LRBA: variants seen among roughly 807,000 people sequenced by gnomAD.
LRBA encodes the protein LPS responsive beige-like anchor protein, also known as lipopolysaccharide-responsive and beige-like anchor protein.
LRBA carries 176 observed loss-of-function variants against 330.0 expected under a neutral mutation model. That is an observed-to-expected ratio of 0.53 (90% CI 0.47 to 0.60). LRBA has a LOEUF of 0.60. Among genes scored for constraint, LRBA ranks in the 20% least tolerant of loss-of-function variants. The probability of loss-of-function intolerance (pLI) is 0.00; values close to 1 mark genes in which losing one functional copy is unlikely to be tolerated. For synonymous variants in LRBA, 1,230 were observed against 1,193.0 expected (o/e 1.03, Z -0.64); for missense variants, 3,259 against 3,444.8 (o/e 0.95, Z 1.35).
rs186279804 is a variant in LRBA at position 150,887,825 on chromosome 4, G to T, written c.2165+5227C>A. 5.3e-5 allele frequency among the ~76,000 whole-genome samples: 8 copies of T among 151,180 alleles called. No individual in the cohort carries two copies. In the East Asian group the frequency reaches 1.5e-3, roughly 29 times the overall value. ...AAGAACCTACAACTTCTCAAATTTG[G>T]TAGTAATCACAAAGAAAACCATAAT... On this transcript the variant is annotated intron_variant, in intron 17 of 56. Transcript: ENST00000651943.
At chr4:150,508,240 A>AGGGG (rs34288480) in intron 40 of LRBA, among the ~76,000 whole-genome samples, 4 of 64,990 alleles carry the variant, frequency 6.2e-5, no homozygotes, top group Admixed American at 5.1e-4. Context: ...TTAAAAAAAA[A>AGGGG]GGGGGGGGGG....
chr4:150,646,496 G>A (rs570657466), intron 37 of LRBA, among the ~76,000 whole-genome samples: 76 of 152,124 alleles, frequency 5.0e-4, no homozygotes, highest in Non-Finnish European at 9.4e-4. Flanking sequence ...TTTTTGAAAC[G>A]TTGGAAATGA....
intron 47 of LRBA, among the ~76,000 whole-genome samples, chr4:150,393,596 C>T (rs1266327294): frequency 4.6e-5 from 7 of 152,012 alleles, no homozygotes; most frequent in Admixed American, 4.6e-4. Context: ...GTGATCCTCC[C>T]ACCTCAGCCT....
At chr4:150,867,127 A>C (rs1324945744) in intron 22 of LRBA, among the ~76,000 whole-genome samples, 2 of 151,408 alleles carry the variant, frequency 1.3e-5, no homozygotes, top group African/African-American at 4.8e-5. Flanking sequence ...AAAAAAAAAA[A>C]AAAAAACTAC....
At chr4:150,730,242 A>C (rs180968709) in intron 36 of LRBA, among the ~76,000 whole-genome samples, 8 of 152,358 alleles carry the variant, frequency 5.3e-5, no homozygotes, top group Non-Finnish European at 1.5e-5. Context: ...TTGCAAAGCT[A>C]CCCATCTGAC....
At chr4:150,870,078 T>C (rs1753246719) in intron 20 of LRBA, among the ~76,000 whole-genome samples, 1 of 152,196 alleles carries the variant, frequency 6.6e-6, no homozygotes, top group Non-Finnish European at 1.5e-5. Context: ...TTTATACAAG[T>C]GCTTAAGAAT....
At chr4:150,390,905 T>C (rs1743820456) in intron 47 of LRBA, among the ~76,000 whole-genome samples, 1 of 152,192 alleles carries the variant, frequency 6.6e-6, no homozygotes, top group African/African-American at 2.4e-5. Context: ...AGTGTCCTCA[T>C]TTGTTATTAC....
At chr4:150,442,081 T>G (rs920900366) in intron 44 of LRBA, among the ~76,000 whole-genome samples, 1 of 152,162 alleles carries the variant, frequency 6.6e-6, no homozygotes, top group South Asian at 2.1e-4. Flanking sequence ...ACTATACTTA[T>G]AGTTATTGAA....
intron 35 of LRBA, among the ~76,000 whole-genome samples, chr4:150,755,963 T>C (rs754972096): frequency 6.6e-6 from 1 of 151,742 alleles, no homozygotes; most frequent in Non-Finnish European, 1.5e-5. Context: ...AGAGGATCAC[T>C]TGAGCCAGGG....
chr4:150,499,630 C>CTT (rs529579991), intron 40 of LRBA, among the ~76,000 whole-genome samples: 3 of 141,632 alleles, frequency 2.1e-5, no homozygotes, highest in Non-Finnish European at 4.7e-5. Flanking sequence ...GCAACAGAGA[C>CTT]TTTTTTTTTT....
chr4:150,667,130 T>A (rs1184534599), intron 37 of LRBA, among the ~76,000 whole-genome samples: 1 of 152,180 alleles, frequency 6.6e-6, no homozygotes, highest in Non-Finnish European at 1.5e-5. Flanking sequence ...ATATATCATC[T>A]TAAAGGAAGG....
chr4:150,755,438 G>A (rs532928923), intron 35 of LRBA, among the ~76,000 whole-genome samples: 1 of 152,218 alleles, frequency 6.6e-6, no homozygotes, highest in East Asian at 1.9e-4. Flanking sequence ...ACATCTAAAA[G>A]TAAAGTTGTA....
At chr4:150,964,219 C>T (rs1165137018) in intron 2 of LRBA, among the ~76,000 whole-genome samples, 1 of 148,060 alleles carries the variant, frequency 6.8e-6, no homozygotes, top group Non-Finnish European at 1.5e-5. Flanking sequence ...AGCCCCTCTG[C>T]CCGGCCGCCA....
At chr4:150,874,533 G>C (rs537792983) in intron 17 of LRBA, among the ~76,000 whole-genome samples, 2 of 152,210 alleles carry the variant, frequency 1.3e-5, no homozygotes, top group African/African-American at 4.8e-5. Flanking sequence ...TGGGAGGAAA[G>C]CTGCTACAGC....
intron 40 of LRBA, among the ~76,000 whole-genome samples, chr4:150,531,289 C>T (rs1345373620): frequency 6.6e-6 from 1 of 152,148 alleles, no homozygotes; most frequent in Non-Finnish European, 1.5e-5. Context: ...GCAACTCAAT[C>T]CCACTTTGCT....
chr4:150,690,145 C>T (rs986766844), intron 36 of LRBA, among the ~76,000 whole-genome samples: 1 of 151,988 alleles, frequency 6.6e-6, no homozygotes, highest in Non-Finnish European at 1.5e-5. Flanking sequence ...ATATTCAACA[C>T]AATCTTAATA....
chr4:150,286,178 C>A, intron 53 of LRBA, 144 bp from the exon 54 acceptor site: 1 of 624,192 alleles, frequency 1.6e-6, no homozygotes, highest in Non-Finnish European at 2.8e-6. Flanking sequence ...GGACTAGATC[C>A]AAGTTACATA....
intron 35 of LRBA, among the ~76,000 whole-genome samples, chr4:150,737,912 T>G (rs565184548): frequency 3.3e-5 from 5 of 152,004 alleles, no homozygotes; most frequent in Non-Finnish European, 7.4e-5. Context: ...ACTTCACTTT[T>G]ACCCTATTAA....
chr4:150,540,069 T>C (rs1204691007), intron 40 of LRBA, among the ~76,000 whole-genome samples: 7 of 152,240 alleles, frequency 4.6e-5, no homozygotes, highest in African/African-American at 1.7e-4. Flanking sequence ...CTTTCCGTTA[T>C]ATGTCTTGCT....
Sources: gnomAD v4.1 joint callset for allele counts (sites outside exome capture counted in the v4.1 genomes callset) on GRCh38, gnomAD v4.1.1 for gene constraint, MANE v1.5 for transcripts, NCBI Gene and HGNC (gene_info 2026-07-23, HGNC 2026-07-21) for gene names.